Variants in ATXN7 observed in about 807,000 individuals in gnomAD.
ATXN7 encodes the protein ataxin 7, also known as ataxin-7.
ATXN7 carries 12 observed loss-of-function variants against 70.5 expected under a neutral mutation model. That is an observed-to-expected ratio of 0.17 (90% confidence interval 0.11 to 0.28). The LOEUF is 0.28. ATXN7 is among the 10% of genes least tolerant of loss of function. The pLI is 1.00. For missense variants in ATXN7, 1,256 were observed against 1,131.7 expected (o/e 1.11, Z -1.58); for synonymous variants, 498 against 448.7 (o/e 1.11, Z -1.39).
At chr3:63,881,553 A>G (rs1240609120) in intron 1 of ATXN7, among the ~76,000 whole-genome samples, 1 of 149,246 alleles carries the variant, frequency 6.7e-6, no homozygotes, top group East Asian at 2.0e-4. Flanking sequence ...CAGTGGTGCA[A>G]TCTCAGCTCA....
chr3:63,865,938 CAT>C (rs1375109771), intron 1 of ATXN7, among the ~76,000 whole-genome samples: 1 of 123,750 alleles, frequency 8.1e-6, no homozygotes, highest in Non-Finnish European at 1.7e-5. Flanking sequence ...AAGTAATTGT[CAT>C]GTGGTGAAAA....
At position 63,944,334 on chromosome 3, in the gene ATXN7, A is replaced by T. The variant is rs144009001; in HGVS notation, c.395-8045A>T. Among the ~76,000 whole-genome samples the T allele has an allele frequency of 4.6e-3, 707 of 152,282 alleles. 3 individuals are homozygous for T. The highest frequency in any genetic ancestry group is 0.016 in the African/African-American group (646 of 41,540). ...CAATAATTAATAATAAAATAATAAT[A>T]ATTATAACAGTATGCCAGCATTTTT... On this transcript the variant is annotated intron_variant, in intron 4 of 12. Transcript: ENST00000674280.
At chr3:63,885,678 T>G (rs750141302) in intron 1 of ATXN7, among the ~76,000 whole-genome samples, 1 of 152,170 alleles carries the variant, frequency 6.6e-6, no homozygotes, top group Non-Finnish European at 1.5e-5. Context: ...AGCCAAGATA[T>G]GGAGTCAATC....
intron 4 of ATXN7, among the ~76,000 whole-genome samples, chr3:63,948,961 G>A (rs983383390): frequency 6.6e-6 from 1 of 152,138 alleles, no homozygotes; most frequent in Non-Finnish European, 1.5e-5. Context: ...GGCCTAAGTT[G>A]TATATTACAA....
chr3:63,982,801 A>G, intron 7 of ATXN7, 138 bp from the exon 8 acceptor site: 1 of 695,622 alleles, frequency 1.4e-6, no homozygotes, highest in Non-Finnish European at 2.5e-6. Context: ...CACGTTGTAT[A>G]TTTTTTATTT....
chr3:63,870,147 A>G (rs951032488), intron 1 of ATXN7, among the ~76,000 whole-genome samples: 21 of 152,232 alleles, frequency 1.4e-4, no homozygotes, highest in Non-Finnish European at 2.6e-4. Context: ...ACTCATAGAT[A>G]TAAATGAATG....
rs1430987015 is a variant in ATXN7 at position 63,980,022 on chromosome 3, A to G, written c.607A>G (p.Ser203Gly). 6.2e-7 allele frequency: 1 copy of G among 1,614,202 alleles called. No homozygotes were observed. The change falls in exon 6 of 13, where the codon AGC becomes GGC. Residue 203 changes from serine (S) to glycine (G), a missense_variant. Transcript: ENST00000674280. Reference sequence around the variant, plus strand: ...AAGCAAAGGAGGCAGTGCAAGTGGAAGCAACCGTTCTTCCAGTGGAGGTGT... The same window carrying G: ...AAGCAAAGGAGGCAGTGCAAGTGGAGGCAACCGTTCTTCCAGTGGAGGTGT... ...SKSKGGSASG[S>G]NRSSSGGVLS...
chr3:63,982,754 C>A (rs2075511175), intron 7 of ATXN7, 185 bp from the exon 8 acceptor site: 1 of 617,406 alleles, frequency 1.6e-6, no homozygotes, highest in South Asian at 2.0e-5. Flanking sequence ...TAGTCACCCC[C>A]TGTCTTAGTG....
intron 4 of ATXN7, among the ~76,000 whole-genome samples, chr3:63,919,568 GCTGT>G (rs1232638035): frequency 2.0e-5 from 3 of 152,058 alleles, no homozygotes. Flanking sequence ...TAAGAAGGTT[GCTGT>G]CTTTGTCCAC....
At chr3:63,907,264 A>G (rs2107282727) in intron 2 of ATXN7, among the ~76,000 whole-genome samples, 1 of 152,264 alleles carries the variant, frequency 6.6e-6, no homozygotes, top group East Asian at 1.9e-4. Context: ...AGGCCCTAGA[A>G]CCCACGCTCT....
Position 63,994,121 on chromosome 3 carries a change from G to T in ATXN7, c.1683-1384G>T, listed in dbSNP as rs184956427. Among the ~76,000 whole-genome samples, 135 of 152,280 alleles carry T rather than the reference G, an allele frequency of 8.9e-4. No homozygotes were observed. In the East Asian group the frequency reaches 0.019, roughly 22 times the overall value. The stretch of plus-strand genomic sequence containing the variant: ...TCCCCGCAGAGACGCTGGTGTAATC[G>T]TTATGGATGTGGCTTAAGCTCCACA... On this transcript the variant is annotated intron_variant, in intron 11 of 12. Coordinates refer to ENST00000674280, the MANE Select transcript of ATXN7 (RefSeq NM_001377405.1).
At chr3:63,942,890 T>C (rs2074794819) in intron 4 of ATXN7, among the ~76,000 whole-genome samples, 6 of 152,292 alleles carry the variant, frequency 3.9e-5, no homozygotes, top group African/African-American at 1.4e-4. Context: ...TGCCCAAGGG[T>C]CATGCTCCTA....
At chr3:63,886,982 G>A (rs1703104256) in intron 1 of ATXN7, among the ~76,000 whole-genome samples, 1 of 152,144 alleles carries the variant, frequency 6.6e-6, no homozygotes, top group Non-Finnish European at 1.5e-5. Context: ...TGCTGTCCTA[G>A]TTAATCAGAG....
intron 4 of ATXN7, among the ~76,000 whole-genome samples, chr3:63,934,006 G>A (rs576286898): frequency 7.3e-5 from 11 of 149,782 alleles, no homozygotes; most frequent in Admixed American, 1.3e-4. Flanking sequence ...TGGAAATTGC[G>A]TAGTTGGTTG....
At position 63,940,466 on chromosome 3, in the gene ATXN7, A is replaced by C. The variant is rs188244164; in HGVS notation, c.395-11913A>C. 1.6e-3 allele frequency among the ~76,000 whole-genome samples: 242 copies of C among 152,326 alleles called. 2 individuals are homozygous for C. The highest frequency in any genetic ancestry group is 5.7e-3 in the African/African-American group (235 of 41,580). On this transcript the variant is annotated intron_variant, in intron 4 of 12. Coordinates refer to ENST00000674280, the MANE Select transcript of ATXN7 (RefSeq NM_001377405.1). ...GTTGAATGAGAGCCATGGAATTTAC[A>C]CAATATACCTGACAGATGTGGTGTT...
chr3:63,938,083 T>TC (rs1166632175), intron 4 of ATXN7, among the ~76,000 whole-genome samples: 2 of 152,210 alleles, frequency 1.3e-5, no homozygotes, highest in Non-Finnish European at 2.9e-5. Context: ...GAGACATCAA[T>TC]CTGAATTGTA....
intron 2 of ATXN7, among the ~76,000 whole-genome samples, chr3:63,898,706 A>G (rs747249541): frequency 6.6e-6 from 1 of 152,234 alleles, no homozygotes; most frequent in Non-Finnish European, 1.5e-5. Flanking sequence ...TTGTTTCTCA[A>G]CACAAAAACT....
chr3:63,922,680 T>C (rs918616576), intron 4 of ATXN7, among the ~76,000 whole-genome samples: 1 of 152,092 alleles, frequency 6.6e-6, no homozygotes, highest in African/African-American at 2.4e-5. Context: ...GTGATAGTCA[T>C]GGGGGTTTTC....
In ATXN7 at chr3:63,957,567, A is replaced by C. The variant is rs190062086; in HGVS notation, c.499+5084A>C. The stretch of plus-strand genomic sequence containing the variant: ...TCTGCTATAAGAAGTAGTAAATGTG[A>C]AAATGAATACTGTGAAAAGAAAATT... On this transcript the variant is annotated intron_variant, in intron 5 of 12. Transcript: ENST00000674280. Among the ~76,000 whole-genome samples the C allele has an allele frequency of 2.2e-4, 34 of 152,392 alleles. No homozygotes were observed. In the East Asian group the frequency reaches 6.2e-3, roughly 28 times the overall value.
Sources: gnomAD v4.1 joint callset for allele counts (sites outside exome capture counted in the v4.1 genomes callset) on GRCh38, gnomAD v4.1.1 for gene constraint, MANE v1.5 for transcripts, NCBI Gene and HGNC (gene_info 2026-07-23, HGNC 2026-07-21) for gene names.